The following ALG12 variants were observed in gnomAD, a reference collection of about 807,000 sequenced individuals.
The protein encoded by ALG12 is ALG12 alpha-1,6-mannosyltransferase, also known as dol-P-Man:Man(7)GlcNAc(2)-PP-Dol alpha-1,6-mannosyltransferase.
A neutral mutation model predicts 46.0 loss-of-function variants in ALG12; 36 were observed. The observed-to-expected ratio is 0.78, with a 90% CI of 0.60 to 1.03. The LOEUF (loss-of-function observed/expected upper bound fraction) is 1.03, where lower values mean the gene tolerates loss of function less well. Ranked by LOEUF, ALG12 falls within the 50% of genes least tolerant of loss-of-function variation. The pLI, the probability that ALG12 is intolerant of heterozygous loss-of-function variation, is 0.00. For synonymous variants in ALG12, 326 were observed against 291.6 expected (o/e 1.12, Z -1.20); for missense variants, 599 against 633.5 (o/e 0.95, Z 0.58).
At chr22:49,870,971 C>T in the ALG12 span, among the ~76,000 whole-genome samples, 1 of 145,880 alleles carries the variant, frequency 6.9e-6, no homozygotes, top group Admixed American at 6.8e-5. Flanking sequence ...GATGGAGTCT[C>T]ACTCTGTTAC....
At chr22:49,883,386 C>G in the ALG12 span, 1 of 304,816 alleles carries the variant, frequency 3.3e-6, no homozygotes, top group Non-Finnish European at 6.0e-6. Context: ...CAGATCCTGT[C>G]CTCAGGACCA....
chr22:49,877,443 C>A, the ALG12 span, among the ~76,000 whole-genome samples: 7 of 152,128 alleles, frequency 4.6e-5, no homozygotes, highest in African/African-American at 1.7e-4. Flanking sequence ...AGATATGTAC[C>A]ACCACACCTG....
rs1185230392 is a variant in ALG12 at position 49,902,452 on chromosome 22, TATGC to T, written c.*1382_*1385del. 6 of 144,388 alleles carry T rather than the reference TATGC, an allele frequency of 4.2e-5. No homozygotes were observed. The highest frequency in any genetic ancestry group is 2.7e-4 in the Admixed American group (4 of 14,682). 8.9% of individuals were successfully genotyped at this position (144,388 alleles called of 1,614,324 possible). The stretch of plus-strand genomic sequence containing the variant: ...ATGGTGTGTGCACGTGTGCACTGTG[TATGC>T]ATGGTGTGTGCACGTGTGCACTGTG... On this transcript the variant is annotated 3_prime_UTR_variant, in exon 10 of 10. Coordinates refer to ENST00000330817, the MANE Select transcript of ALG12 (RefSeq NM_024105.4).
intron 1 of ALG12, among the ~76,000 whole-genome samples, chr22:49,917,643 G>A (rs141861124): frequency 6.6e-6 from 1 of 152,002 alleles, no homozygotes; most frequent in Non-Finnish European, 1.5e-5. Flanking sequence ...ACTCCAGCCT[G>A]GGCGACAAAG....
chr22:49,885,329 A>G, the ALG12 span: 1 of 1,591,736 alleles, frequency 6.3e-7, no homozygotes, highest in Admixed American at 1.8e-5. Context: ...TTTCCTGTTA[A>G]TAGCAAAAAG....
downstream of ALG12, among the ~76,000 whole-genome samples, chr22:49,898,154 T>G (rs931763041): frequency 6.6e-6 from 1 of 151,156 alleles, no homozygotes; most frequent in African/African-American, 2.4e-5. Context: ...GCATACACCA[T>G]CACACCTGAA....
the ALG12 span, among the ~76,000 whole-genome samples, chr22:49,893,017 C>T: frequency 6.6e-5 from 10 of 152,142 alleles, no homozygotes; most frequent in African/African-American, 1.4e-4. Context: ...AATCTGTAAA[C>T]GTGCTAATGC....
chr22:49,896,717 C>T (rs1221214945), downstream of ALG12, among the ~76,000 whole-genome samples: 1 of 152,202 alleles, frequency 6.6e-6, no homozygotes, highest in Non-Finnish European at 1.5e-5. Flanking sequence ...CTCACTGCAA[C>T]CTCCGCCTCC....
At chr22:49,909,050 G>A (rs1206042670) in intron 6 of ALG12, among the ~76,000 whole-genome samples, 194 bp downstream of exon 6, 1 of 151,952 alleles carries the variant, frequency 6.6e-6, no homozygotes, top group East Asian at 1.9e-4. Flanking sequence ...TTTCCTGGCT[G>A]AGAGAGGGCA....
At chr22:49,908,988 AGAG>A (rs1293453601) in intron 6 of ALG12, among the ~76,000 whole-genome samples, 1 of 150,378 alleles carries the variant, frequency 6.6e-6, no homozygotes. Flanking sequence ...TCCGAGGAGC[AGAG>A]GAGAGGCTGG....
chr22:49,878,335 T>C, the ALG12 span, among the ~76,000 whole-genome samples: 2 of 144,836 alleles, frequency 1.4e-5, no homozygotes, highest in Non-Finnish European at 3.0e-5. Flanking sequence ...CATACAGAGA[T>C]AGGCTTTCAT....
the ALG12 span, among the ~76,000 whole-genome samples, chr22:49,874,487 G>T: frequency 1.3e-5 from 2 of 151,012 alleles, no homozygotes; most frequent in Non-Finnish European, 2.9e-5. Flanking sequence ...CCAGGTTCAA[G>T]CGATTCTCCT....
At chr22:49,892,187 CAAAAAAA>C in the ALG12 span, among the ~76,000 whole-genome samples, 6 of 55,346 alleles carry the variant, frequency 1.1e-4, no homozygotes, top group Admixed American at 2.7e-4. Flanking sequence ...GACTCTGTCT[CAAAAAAA>C]AAAAAAAAAA....
At chr22:49,886,518 C>A in the ALG12 span, 1 of 1,568,580 alleles carries the variant, frequency 6.4e-7, no homozygotes, top group African/African-American at 1.3e-5. This position sits in a 1 kb window ranked among gnomAD's most constrained non-coding sequence, Gnocchi z 7.7. Flanking sequence ...CGCAGATGTC[C>A]ACCCTCAGCC....
chr22:49,911,116 G>T (rs2060574400), intron 3 of ALG12, among the ~76,000 whole-genome samples: 1 of 152,242 alleles, frequency 6.6e-6, no homozygotes, highest in South Asian at 2.1e-4. Context: ...GAGGGGGCAG[G>T]TGTGCCCAGG....
At chr22:49,910,234 G>A (rs900311000) in intron 4 of ALG12, 146 bp from the exon 5 acceptor site, 10 of 1,188,562 alleles carry the variant, frequency 8.4e-6, no homozygotes, top group Non-Finnish European at 1.1e-5. Flanking sequence ...GCCGCTCCCC[G>A]CACCTATGCT....
chr22:49,908,288 G>A (rs1263757908), intron 6 of ALG12, among the ~76,000 whole-genome samples: 2 of 152,066 alleles, frequency 1.3e-5, no homozygotes, highest in African/African-American at 2.4e-5. Flanking sequence ...CCAGCACTTC[G>A]GGAGGCCAAG....
the ALG12 span, among the ~76,000 whole-genome samples, chr22:49,878,295 C>G: frequency 4.9e-5 from 5 of 102,398 alleles, no homozygotes; most frequent in African/African-American, 1.2e-4. Context: ...GAGTGAGACA[C>G]TGTCTCAAAA....
downstream of ALG12, among the ~76,000 whole-genome samples, chr22:49,898,077 C>T (rs187430130): frequency 1.1e-4 from 16 of 151,450 alleles, no homozygotes; most frequent in Admixed American, 1.0e-3. Flanking sequence ...ACTCTGTTGC[C>T]CAGCCTTGAC....
Sources: gnomAD v4.1 joint callset for allele counts (sites outside exome capture counted in the v4.1 genomes callset) on GRCh38, gnomAD v4.1.1 for gene constraint, Gnocchi (gnomAD v3.1) non-coding constraint, MANE v1.5 for transcripts, NCBI Gene and HGNC (gene_info 2026-07-23, HGNC 2026-07-21) for gene names.